Variants in COMMD1 observed in about 807,000 individuals in gnomAD.
COMMD1 encodes copper metabolism domain containing 1.
A neutral mutation model predicts 17.2 loss-of-function variants in COMMD1; 10 were observed. That is an observed-to-expected ratio of 0.58 (90% confidence interval 0.36 to 0.99). The LOEUF is 0.99. COMMD1 is among the 50% of genes least tolerant of loss of function. The pLI is 0.01. For synonymous variants in COMMD1, 97 were observed against 91.6 expected (o/e 1.06, Z -0.34); for missense variants, 270 against 231.8 (o/e 1.17, Z -1.07).
intron 1 of COMMD1, among the ~76,000 whole-genome samples, chr2:61,893,555 T>A (rs1558512639): frequency 1.3e-5 from 2 of 152,190 alleles, no homozygotes; most frequent in Admixed American, 6.5e-5. Flanking sequence ...GGCTCACGCC[T>A]GTAATCCCAG....
intron 2 of COMMD1, among the ~76,000 whole-genome samples, chr2:62,119,962 CTTTG>C (rs573230069): frequency 5.8e-4 from 89 of 152,160 alleles, no homozygotes; most frequent in African/African-American, 2.0e-3. Flanking sequence ...CTCTGGATGA[CTTTG>C]TTTATTTATT....
chr2:61,964,864 C>A (rs953030003), intron 1 of COMMD1, among the ~76,000 whole-genome samples: 2 of 152,020 alleles, frequency 1.3e-5, no homozygotes, highest in Non-Finnish European at 2.9e-5. Flanking sequence ...CATGGTGAAA[C>A]CCTGTCTCTA....
intron 2 of COMMD1, among the ~76,000 whole-genome samples, chr2:62,065,490 C>CT (rs762805447): frequency 4.0e-5 from 6 of 151,506 alleles, no homozygotes; most frequent in Non-Finnish European, 7.4e-5. Context: ...CACCTGACTA[C>CT]TTTTTTTATG....
chr2:62,094,989 C>A (rs1206537588), intron 2 of COMMD1, among the ~76,000 whole-genome samples: 1 of 152,128 alleles, frequency 6.6e-6, no homozygotes, highest in African/African-American at 2.4e-5. Context: ...TTATTGCCAC[C>A]ACTCCATAGT....
At chr2:61,979,769 C>T (rs1671907259) in intron 1 of COMMD1, among the ~76,000 whole-genome samples, 1 of 148,492 alleles carries the variant, frequency 6.7e-6, no homozygotes. Flanking sequence ...TTATTATACT[C>T]TAAGTTTTAG....
chr2:62,004,207 T>C (rs1405587812), intron 2 of COMMD1, among the ~76,000 whole-genome samples: 2 of 152,236 alleles, frequency 1.3e-5, no homozygotes, highest in Non-Finnish European at 2.9e-5. Context: ...TTGTACACTT[T>C]ATTATTTACA....
chr2:62,115,680 T>C (rs371179189), intron 2 of COMMD1, among the ~76,000 whole-genome samples: 9 of 152,248 alleles, frequency 5.9e-5, no homozygotes, highest in East Asian at 3.9e-4. Flanking sequence ...CTAAGCTAAA[T>C]AGAGATAAAG....
intron 2 of COMMD1, among the ~76,000 whole-genome samples, chr2:62,078,534 C>T (rs1671418154): frequency 7.8e-6 from 1 of 127,968 alleles, no homozygotes; most frequent in African/African-American, 3.0e-5. Flanking sequence ...GCCTGGGCTA[C>T]AGAGCGAGAC....
At chr2:61,916,394 A>G (rs1670052524) in intron 1 of COMMD1, among the ~76,000 whole-genome samples, 1 of 152,160 alleles carries the variant, frequency 6.6e-6, no homozygotes, top group Non-Finnish European at 1.5e-5. Context: ...GGTGGAGTAT[A>G]CTGTACATAA....
intron 2 of COMMD1, among the ~76,000 whole-genome samples, chr2:62,009,096 A>G (rs540000229): frequency 6.6e-6 from 1 of 152,076 alleles, no homozygotes; most frequent in South Asian, 2.1e-4. Context: ...GAATACTTTA[A>G]AAAAAAACAG....
chr2:62,105,313 C>A (rs1672300879), intron 2 of COMMD1, among the ~76,000 whole-genome samples: 1 of 151,918 alleles, frequency 6.6e-6, no homozygotes, highest in Admixed American at 6.6e-5. Context: ...CTTGCCTATA[C>A]TAATTTTGTT....
chr2:62,034,583 A>G (rs577119672), intron 2 of COMMD1, among the ~76,000 whole-genome samples: 3 of 152,326 alleles, frequency 2.0e-5, no homozygotes, highest in South Asian at 2.1e-4. Flanking sequence ...TTTTGCTTCA[A>G]CTATTCATGA....
chr2:61,968,635 C>A (rs545100584), intron 1 of COMMD1, among the ~76,000 whole-genome samples: 5 of 152,210 alleles, frequency 3.3e-5, no homozygotes, highest in African/African-American at 1.2e-4. Context: ...TGGCTCACTG[C>A]AGCCTTGGCC....
chr2:62,017,409 T>G (rs1669482445), intron 2 of COMMD1, among the ~76,000 whole-genome samples: 1 of 152,218 alleles, frequency 6.6e-6, no homozygotes, highest in South Asian at 2.1e-4. Flanking sequence ...GGCTCATGCC[T>G]CTTATGCTAA....
At chr2:62,082,301 A>T (rs376428319) in intron 2 of COMMD1, among the ~76,000 whole-genome samples, 5 of 152,302 alleles carry the variant, frequency 3.3e-5, no homozygotes, top group African/African-American at 9.6e-5. Context: ...AAATGTTCTC[A>T]TACTGCATTA....
chr2:61,894,449 GA>G (rs113752125), intron 1 of COMMD1, among the ~76,000 whole-genome samples: 3,068 of 141,484 alleles, frequency 0.022, 50 homozygotes, highest in Middle Eastern at 0.048. Context: ...CTGGAAGAAT[GA>G]AAAAAAAAAA....
intron 2 of COMMD1, among the ~76,000 whole-genome samples, chr2:62,074,798 T>A (rs1043916650): frequency 6.6e-6 from 1 of 152,136 alleles, no homozygotes; most frequent in Admixed American, 6.6e-5. Context: ...CTTTCCCTCT[T>A]AGCCATTAAG....
At chr2:61,991,790 C>G (rs768516166) in intron 1 of COMMD1, among the ~76,000 whole-genome samples, 6 of 152,082 alleles carry the variant, frequency 3.9e-5, no homozygotes, top group Admixed American at 3.9e-4. Flanking sequence ...GTGTCAAGTG[C>G]GGGAGGCAGG....
At chr2:61,915,328 TC>T (rs549502349) in intron 1 of COMMD1, among the ~76,000 whole-genome samples, 61 of 152,056 alleles carry the variant, frequency 4.0e-4, no homozygotes, top group Non-Finnish European at 7.8e-4. Flanking sequence ...TCTCTTTTTT[TC>T]TATTCTCTTT....
Sources: gnomAD v4.1 joint callset for allele counts (sites outside exome capture counted in the v4.1 genomes callset) on GRCh38, gnomAD v4.1.1 for gene constraint, MANE v1.5 for transcripts, NCBI Gene and HGNC (gene_info 2026-07-23, HGNC 2026-07-21) for gene names.